BPIFB2: variants seen among roughly 807,000 people sequenced by gnomAD.
BPIFB2 encodes BPI fold-containing family B member 2.
In BPIFB2, 39 loss-of-function variants were observed where a neutral mutation model predicts 50.1. That is an observed-to-expected ratio of 0.78 (90% CI 0.60 to 1.02). The LOEUF (loss-of-function observed/expected upper bound fraction) is 1.02, where lower values mean the gene tolerates loss of function less well. BPIFB2 is among the 50% of genes least tolerant of loss of function. The pLI is 0.00. For synonymous variants in BPIFB2, 280 were observed against 256.3 expected, an observed-to-expected ratio of 1.09 and a Z score of -0.88; for missense variants, 574 against 585.8, an observed-to-expected ratio of 0.98 and a Z score of 0.21.
At chr20:33,019,831 C>A in intron 11 of BPIFB2, 81 bp downstream of exon 11, 1 of 1,431,438 alleles carries the variant, frequency 7.0e-7, no homozygotes, top group Non-Finnish European at 9.3e-7. Context: ...CTCATCTTTG[C>A]TCTACTCACA....
Position 33,009,110 on chromosome 20 carries a change from C to T in BPIFB2, c.109+427C>T. ...GGTACGGCTGTTCACCCTGGGTGTACACGTTTGCGTATGTGGTGTGTGCAC... is the reference window on the plus strand; with the variant it reads ...GGTACGGCTGTTCACCCTGGGTGTATACGTTTGCGTATGTGGTGTGTGCAC... On this transcript the variant is annotated intron_variant, in intron 2 of 15. Coordinates refer to ENST00000170150, the MANE Select transcript of BPIFB2 (RefSeq NM_025227.3). The surrounding 1 kb of genome is among the most constrained non-coding windows in gnomAD (Gnocchi z 4.2). Among the ~76,000 whole-genome samples, 1 of 152,150 alleles carries T rather than the reference C, an allele frequency of 6.6e-6. No homozygotes were observed. The highest frequency in any genetic ancestry group is 1.5e-5 in the Non-Finnish European group (1 of 68,040).
At position 33,018,645 on chromosome 20, in the gene BPIFB2, C is replaced by A. The variant is rs1236818910; in HGVS notation, c.678C>A (p.Leu226=). 5 of 1,612,102 alleles carry A rather than the reference C, an allele frequency of 3.1e-6. No individual in the cohort carries two copies. The highest frequency in any genetic ancestry group is 4.2e-6 in the Non-Finnish European group (5 of 1,179,030). ...DYISLEVNAV[L]FLLGKPIILP... Reference sequence around the variant, plus strand: ...CCCTCCCACCCCTACAGGCTGTTCTCTTCCTGCTGGGCAAGCCCATCATCC... The same window carrying A: ...CCCTCCCACCCCTACAGGCTGTTCTATTCCTGCTGGGCAAGCCCATCATCC... Residue 226 remains leucine, a synonymous_variant, in exon 9 of 16, where the codon CTC becomes CTA. Coordinates refer to ENST00000170150, the MANE Select transcript of BPIFB2 (RefSeq NM_025227.3).
rs995645265 is a variant in BPIFB2 at position 33,020,557 on chromosome 20, G to A, written c.1164G>A (p.Thr388=). ...TTSVLGDVQL[T]VASSNVGFID... is the part of the protein sequence containing the mutation. ...TCTCTTTCAGGGATGTCCAGCTCAC[G>A]GTGGCCTCCTCCAACGTGGGCTTCA... The change falls in exon 13 of 16, where the codon ACG becomes ACA. Residue 388 remains threonine (T), a synonymous_variant. Coordinates refer to ENST00000170150, the MANE Select transcript of BPIFB2 (RefSeq NM_025227.3). The A allele has an allele frequency of 1.1e-5, 18 of 1,609,046 alleles. No homozygotes were observed. The highest frequency in any genetic ancestry group is 1.6e-4 in the Middle Eastern group (1 of 6,064).
rs775374416 is a variant in BPIFB2 at position 33,020,402 on chromosome 20, G to A, written c.1148+7G>A. The A allele has an allele frequency of 6.2e-6, 10 of 1,613,860 alleles. No homozygotes were observed. The highest frequency in any genetic ancestry group is 2.2e-5 in the South Asian group (2 of 91,044). ...GGACCACGTCTGTGCTGGGGTAAAC[G>A]AGCCCACCTGGACCCAGCAGCCTCA... On this transcript the variant is annotated splice_region_variant and intron_variant, in intron 12 of 15. Coordinates refer to ENST00000170150, the MANE Select transcript of BPIFB2 (RefSeq NM_025227.3).
intron 6 of BPIFB2, among the ~76,000 whole-genome samples, chr20:33,016,172 T>C (rs1165615065): frequency 6.6e-6 from 1 of 151,912 alleles, no homozygotes; most frequent in Non-Finnish European, 1.5e-5. Flanking sequence ...GGGGCAGTAG[T>C]AGAGACGAAG....
intron 6 of BPIFB2, 85 bp from the exon 7 acceptor site, chr20:33,016,957 A>T (rs1444304013): frequency 8.0e-7 from 1 of 1,257,092 alleles, no homozygotes; most frequent in African/African-American, 1.5e-5. Context: ...GCTTCTAGAC[A>T]GGGACTCTAG....
chr20:33,021,179 TTGTC>T (rs1978652131), intron 13 of BPIFB2, 98 bp from the exon 14 acceptor site: 2 of 1,284,512 alleles, frequency 1.6e-6, no homozygotes, highest in Non-Finnish European at 2.2e-6. Flanking sequence ...CATCCATCTG[TTGTC>T]TGTCTGTCTC....
At chr20:33,008,434 G>A (rs1990238584) in intron 1 of BPIFB2, 107 bp from the exon 2 acceptor site, 1 of 604,324 alleles carries the variant, frequency 1.7e-6, no homozygotes, top group Non-Finnish European at 2.8e-6. Context: ...CTGGGGCAGG[G>A]CTGGGATCAC....
chr20:33,014,448 G>C (rs967648666), intron 5 of BPIFB2, among the ~76,000 whole-genome samples: 1 of 152,170 alleles, frequency 6.6e-6, no homozygotes, highest in Non-Finnish European at 1.5e-5. Context: ...AGATCATTTC[G>C]TTTGATCCTC....
At chr20:33,017,220 G>GC in intron 7 of BPIFB2, 118 bp downstream of exon 7, 2 of 837,646 alleles carry the variant, frequency 2.4e-6, no homozygotes, top group South Asian at 4.1e-5. Context: ...CAGTTGTAGG[G>GC]TGACTGAATT....
Position 33,013,963 on chromosome 20 carries a change from G to C in BPIFB2, c.455+7G>C, listed in dbSNP as rs889625446. ...AGTTTGATGGCAGTAACAGGTGGGT[G>C]CCTGGTGAGGGCAGGGTCACAGGAA... On this transcript the variant is annotated splice_region_variant and intron_variant, in intron 5 of 15. Transcript: ENST00000170150. 13 of 1,612,184 alleles carry C rather than the reference G, an allele frequency of 8.1e-6. No individual in the cohort carries two copies. The highest frequency in any genetic ancestry group is 3.3e-5 in the Admixed American group (2 of 59,932).
At chr20:33,011,833 G>A (rs1990293083) in intron 3 of BPIFB2, among the ~76,000 whole-genome samples, 1 of 152,150 alleles carries the variant, frequency 6.6e-6, no homozygotes, top group African/African-American at 2.4e-5. Context: ...ACAAAAATTA[G>A]CTGGGAGTGG....
intron 2 of BPIFB2, among the ~76,000 whole-genome samples, chr20:33,010,271 C>T (rs1369993468): frequency 2.6e-5 from 4 of 152,170 alleles, no homozygotes; most frequent in African/African-American, 9.7e-5. Flanking sequence ...CTTTCCCTGG[C>T]CAGGTGCCCT....
Position 33,018,731 on chromosome 20 carries a change from C to T in BPIFB2, c.764C>T (p.Ala255Val). Residue 255 changes from alanine (A) to valine (V), a missense_variant, in exon 9 of 16, where the codon GCC becomes GTC. Transcript: ENST00000170150. Reference sequence around the variant, plus strand: ...CATGTGGGTACCGAGGGCTCCATGGCCACCGTGGGCCTCTCCCAGCAGCTG... The same window carrying T: ...CATGTGGGTACCGAGGGCTCCATGGTCACCGTGGGCCTCTCCCAGCAGCTG... ...PRHVGTEGSM[A>V]TVGLSQQLFD... 1 of 1,614,226 alleles carries T rather than the reference C, an allele frequency of 6.2e-7. No individual in the cohort carries two copies. Among genetic ancestry groups the T allele is most frequent in the Non-Finnish European group, 8.5e-7 (1 of 1,180,040 alleles).
At chr20:33,023,051 C>G (rs922899795) in intron 15 of BPIFB2, among the ~76,000 whole-genome samples, 1 of 152,174 alleles carries the variant, frequency 6.6e-6, no homozygotes, top group Non-Finnish European at 1.5e-5. Context: ...GGAGAAGATG[C>G]TCCATGGTTC....
Position 33,013,975 on chromosome 20 carries a change from C to A in BPIFB2, c.455+19C>A. On this transcript the variant is annotated intron_variant, in intron 5 of 15. Transcript: ENST00000170150. ...GTAACAGGTGGGTGCCTGGTGAGGG[C>A]AGGGTCACAGGAATCCCAGATGCCA... 1 of 1,602,352 alleles carries A rather than the reference C, an allele frequency of 6.2e-7. No individual in the cohort carries two copies.
chr20:33,021,038 C>T (rs930935826), intron 13 of BPIFB2, among the ~76,000 whole-genome samples: 3 of 152,206 alleles, frequency 2.0e-5, no homozygotes, highest in African/African-American at 4.8e-5. Flanking sequence ...TGTCCCTCAG[C>T]CTCCACTCCG....
rs147086111 is a variant in BPIFB2 at position 33,018,678 on chromosome 20, G to C, written c.711G>C (p.Thr237=). ...TGGGCAAGCCCATCATCCTGCCCAC[G>C]GATGCCACCCCTTTTGTGTTGCCAA... is the stretch of plus-strand genomic sequence containing the variant. ...FLLGKPIILP[T]DATPFVLPRH... Residue 237 remains threonine (T), a synonymous_variant, in exon 9 of 16, where the codon ACG becomes ACC. Coordinates refer to ENST00000170150, the MANE Select transcript of BPIFB2 (RefSeq NM_025227.3). 5.3e-5 allele frequency: 86 copies of C among 1,614,074 alleles called. No individual in the cohort carries two copies. The East Asian group carries it at 1.8e-3, about 33-fold the overall frequency.
At chr20:33,018,509 A>T in intron 8 of BPIFB2, 128 bp from the exon 9 acceptor site, 1 of 1,314,752 alleles carries the variant, frequency 7.6e-7, no homozygotes. Context: ...AGTGTGAACT[A>T]CACATGTGGC....
Sources: allele counts gnomAD v4.1 joint callset (sites outside exome capture counted in the v4.1 genomes callset), GRCh38; gene constraint gnomAD v4.1.1; non-coding constraint Gnocchi (gnomAD v3.1); transcripts MANE v1.5; gene names NCBI Gene and HGNC (gene_info 2026-07-23, HGNC 2026-07-21).